MESP1: variants seen among roughly 807,000 people sequenced by gnomAD.
The protein encoded by MESP1 is mesoderm posterior bHLH transcription factor 1, also known as mesoderm posterior protein 1.
A neutral mutation model predicts 15.2 loss-of-function variants in MESP1; 22 were observed. That is an observed-to-expected ratio of 1.45 (90% CI 1.04 to 2.07). The LOEUF (loss-of-function observed/expected upper bound fraction) is 2.07. MESP1 is among the 30% of genes most tolerant of loss of function. The pLI, the probability that MESP1 is intolerant of heterozygous loss-of-function variation, is 0.00. For missense variants in MESP1, 484 were observed against 411.9 expected, an observed-to-expected ratio of 1.17 and a Z score of -1.51; for synonymous variants, 216 against 192.6, an observed-to-expected ratio of 1.12 and a Z score of -1.01.
chr15:89,750,956 T>C lies in MESP1; in HGVS notation c.276A>G (p.Lys92=), dbSNP rs1968083369. 1.4e-6 allele frequency: 2 copies of C among 1,444,860 alleles called. No homozygotes were observed. Among genetic ancestry groups the C allele is most frequent in the Admixed American group, 2.7e-5 (1 of 37,012 alleles). 89.5% of individuals were successfully genotyped at this position (1,444,860 alleles called of 1,614,324 possible). Residue 92 remains lysine (K), a synonymous_variant, in exon 1 of 2, where the codon AAA becomes AAG. Coordinates refer to ENST00000300057, the MANE Select transcript of MESP1 (RefSeq NM_018670.4). ...GQRQSASERE[K]LRMRTLARAL... is the part of the protein sequence containing the mutation. ...CGCGGGCCAGCGTGCGCATGCGCAG[T>C]TTCTCCCGCTCACTGGCGCTCTGCC... is the stretch of plus-strand genomic sequence containing the variant.
chr15:89,747,619 A>AGCG (rs1341413274), downstream of MESP1, among the ~76,000 whole-genome samples: 2,485 of 152,128 alleles, frequency 0.016, 82 homozygotes, highest in African/African-American at 0.057. Flanking sequence ...GCCCCCCAGT[A>AGCG]CCCTCTGTTC....
chr15:89,746,192 T>C (rs1186339138), downstream of MESP1, among the ~76,000 whole-genome samples: 2 of 114,126 alleles, frequency 1.8e-5, no homozygotes, highest in African/African-American at 6.9e-5. Context: ...ACAGCATCCA[T>C]ACCTACTCAC....
downstream of MESP1, chr15:89,749,831 A>G (rs889584138): frequency 3.2e-6 from 1 of 312,732 alleles, no homozygotes; most frequent in Non-Finnish European, 6.3e-6. Flanking sequence ...TTGGAGGGAG[A>G]GAGGGAGCTC....
chr15:89,737,669 G>A, the MESP1 span: 54 of 1,614,018 alleles, frequency 3.3e-5, no homozygotes, highest in East Asian at 2.9e-4. Context: ...CTTTCCTCTG[G>A]AGGTCCCCTG....
chr15:89,733,412 C>T, the MESP1 span, among the ~76,000 whole-genome samples: 1 of 152,190 alleles, frequency 6.6e-6, no homozygotes, highest in Admixed American at 6.5e-5. Context: ...TATGATAGCA[C>T]AGATGACATC....
At chr15:89,737,068 G>A in the MESP1 span, among the ~76,000 whole-genome samples, 1 of 152,226 alleles carries the variant, frequency 6.6e-6, no homozygotes, top group South Asian at 2.1e-4. Context: ...TGGGATTACA[G>A]GCATGAGCCA....
chr15:89,740,423 C>T, the MESP1 span, among the ~76,000 whole-genome samples: 845 of 152,262 alleles, frequency 5.5e-3, 6 homozygotes, highest in Non-Finnish European at 7.7e-3. Flanking sequence ...ATGAAGAAGG[C>T]GATGGTTGAC....
chr15:89,748,501 C>A (rs1291111281), downstream of MESP1, among the ~76,000 whole-genome samples: 1 of 152,206 alleles, frequency 6.6e-6, no homozygotes, highest in African/African-American at 2.4e-5. Flanking sequence ...AAAAACAAAC[C>A]GAGCGGCATC....
chr15:89,750,371 G>A (rs1968059769), intron 1 of MESP1, 138 bp downstream of exon 1: 2 of 1,483,534 alleles, frequency 1.3e-6, no homozygotes, highest in South Asian at 1.3e-5. Flanking sequence ...TCGCTTCTTG[G>A]AGCCCTGGGC....
chr15:89,748,661 C>A (rs549093360), downstream of MESP1: 1 of 152,114 alleles, frequency 6.6e-6, no homozygotes, highest in Admixed American at 6.5e-5. Flanking sequence ...CACAAAAGGC[C>A]GTATTTTGCG....
At chr15:89,737,893 C>T in the MESP1 span, 1 of 1,308,096 alleles carries the variant, frequency 7.6e-7, no homozygotes, top group East Asian at 2.3e-5. Context: ...GATAAAATGC[C>T]AGCAGGGTCT....
chr15:89,739,376 AACCCATGATCTAAG>A, the MESP1 span, among the ~76,000 whole-genome samples: 10 of 152,344 alleles, frequency 6.6e-5, no homozygotes, highest in African/African-American at 2.4e-4. Context: ...AATGTTTGCC[AACCCATGATCTAAG>A]ACCCCTTTCT....
chr15:89,738,053 A>G, the MESP1 span: 1 of 1,610,938 alleles, frequency 6.2e-7, no homozygotes, highest in Non-Finnish European at 8.5e-7. Context: ...GACTATTCAC[A>G]TGAAACTGCG....
chr15:89,751,011 G>A lies in MESP1; in HGVS notation c.221C>T (p.Ala74Val). The A allele has an allele frequency of 1.5e-6, 2 of 1,362,974 alleles. No homozygotes were observed. The highest frequency in any genetic ancestry group is 1.9e-6 in the Non-Finnish European group (2 of 1,065,714). 84.4% of individuals were successfully genotyped at this position (1,362,974 alleles called of 1,614,324 possible). Reference protein sequence around the residue: ...PRAPSVGRRGARSSRLGSGQR... With the variant: ...PRAPSVGRRGVRSSRLGSGQR... Reference sequence around the variant, plus strand: ...CCCGCTGCCCAGGCGGCTGCTGCGCGCGCCGCGCCTACCTACGGAGGGGGC... The same window carrying A: ...CCCGCTGCCCAGGCGGCTGCTGCGCACGCCGCGCCTACCTACGGAGGGGGC... Residue 74 changes from alanine to valine, a missense_variant, in exon 1 of 2, where the codon GCG becomes GTG. By Grantham distance (64) the Ala-to-Val change is moderately conservative. Coordinates refer to ENST00000300057, the MANE Select transcript of MESP1 (RefSeq NM_018670.4).
the MESP1 span, among the ~76,000 whole-genome samples, chr15:89,734,971 TC>T: frequency 1.3e-5 from 2 of 151,794 alleles, no homozygotes; most frequent in African/African-American, 4.8e-5. Flanking sequence ...CTTCCTTCCT[TC>T]CTTCCCTCCG....
In MESP1 at chr15:89,750,509, C is replaced by G; in HGVS notation, c.723G>C (p.Pro241=). Residue 241 remains proline (P), a splice_region_variant and synonymous_variant, in exon 1 of 2, where the codon CCG becomes CCC. Coordinates refer to ENST00000300057, the MANE Select transcript of MESP1 (RefSeq NM_018670.4). ...GGGGCGCGGGGAAGGGGACACTAAC[C>G]GGGGACGGTGGGCTTGGCTCCATCG... is the stretch of plus-strand genomic sequence containing the variant. ...GQAMEPSPPS[P]LLPGDVLALL... is the part of the protein sequence containing the mutation. 1 of 1,500,172 alleles carries G rather than the reference C, an allele frequency of 6.7e-7. No homozygotes were observed. The highest frequency in any genetic ancestry group is 8.8e-7 in the Non-Finnish European group (1 of 1,132,710). 92.9% of individuals were successfully genotyped at this position (1,500,172 alleles called of 1,614,324 possible). A position where few individuals can be genotyped will look rare whatever the true frequency, so the allele number is the denominator to read the frequency against.
Position 89,751,152 on chromosome 15 carries a change from G to T in MESP1, c.80C>A (p.Pro27His). 2 of 1,267,594 alleles carry T rather than the reference G, an allele frequency of 1.6e-6. No homozygotes were observed. Among genetic ancestry groups the T allele is most frequent in the Admixed American group, 3.8e-5 (1 of 26,052 alleles). 78.5% of individuals were successfully genotyped at this position (1,267,594 alleles called of 1,614,324 possible). ...GGAGCGGCCGCAGTCCTTGTCGGAG[G>T]GCGGCGGCCGCCGAGTTGGGCCCCA... ...AAWGPTRRPP[P>H]SDKDCGRSLV... The change falls in exon 1 of 2, where the codon CCC becomes CAC. Residue 27 changes from proline (P) to histidine (H), a missense_variant. Pro to His is a moderately conservative substitution (Grantham distance 77). Coordinates refer to ENST00000300057, the MANE Select transcript of MESP1 (RefSeq NM_018670.4).
downstream of MESP1, among the ~76,000 whole-genome samples, chr15:89,746,300 C>T: frequency 6.8e-6 from 1 of 146,698 alleles, no homozygotes; most frequent in South Asian, 2.1e-4. Flanking sequence ...CACACATTCA[C>T]ACATCCACAC....
chr15:89,737,747 G>T, the MESP1 span: 6 of 1,613,968 alleles, frequency 3.7e-6, no homozygotes, highest in Admixed American at 3.3e-5. Context: ...AAGGGACCAG[G>T]GCTGATGCCC....
Sources: gnomAD v4.1 joint callset for allele counts (sites outside exome capture counted in the v4.1 genomes callset) on GRCh38, gnomAD v4.1.1 for gene constraint, MANE v1.5 for transcripts, NCBI Gene and HGNC (gene_info 2026-07-23, HGNC 2026-07-21) for gene names.